IARS1: variants seen among roughly 807,000 people sequenced by gnomAD.
The protein encoded by IARS1 is isoleucine--tRNA ligase, cytoplasmic.
IARS1 carries 124 observed loss-of-function variants against 168.2 expected under a neutral mutation model. The ratio of observed to expected loss-of-function variants is 0.74; its 90% CI spans 0.64 to 0.86. The LOEUF is 0.86. Ranked by LOEUF, IARS1 falls within the 40% of genes least tolerant of loss-of-function variation. The pLI is 0.00. For missense variants in IARS1, 1,452 were observed against 1,515.8 expected (o/e 0.96, Z 0.70); for synonymous variants, 532 against 529.4 (o/e 1.00, Z -0.07).
chr9:92,253,806 G>A (rs1830349857), intron 20 of IARS1: 2 of 495,100 alleles, frequency 4.0e-6, no homozygotes, highest in African/African-American at 1.9e-5. Flanking sequence ...CAATTTGACA[G>A]CATCAACAAT....
chr9:92,246,044 G>A (rs896351510), intron 26 of IARS1, among the ~76,000 whole-genome samples: 1 of 152,066 alleles, frequency 6.6e-6, no homozygotes, highest in Non-Finnish European at 1.5e-5. Context: ...CCAAAGTGCT[G>A]GGATTACAGG....
At chr9:92,229,891 C>T (rs900146290) in intron 30 of IARS1, among the ~76,000 whole-genome samples, 1 of 152,148 alleles carries the variant, frequency 6.6e-6, no homozygotes, top group Non-Finnish European at 1.5e-5. Flanking sequence ...AAATCCTGTA[C>T]CCATCACCAT....
rs745473326 is a variant in IARS1 at position 92,280,885 on chromosome 9, T to C, written c.606A>G (p.Gln202=). The C allele has an allele frequency of 5.6e-6, 9 of 1,607,486 alleles. No individual in the cohort carries two copies. Among genetic ancestry groups the C allele is most frequent in the Non-Finnish European group, 7.7e-6 (9 of 1,175,540 alleles). Residue 202 remains glutamine (Q), a synonymous_variant, in exon 7 of 34, where the codon CAA becomes CAG. Transcript: ENST00000443024. ...FESHQNYKDV[Q]DPSVFVTFPL... ...GGAAAGTTACAAATACTGAAGGATC[T>C]TGAACATCCTGAAATAAATTGAGGT...
Position 92,223,336 on chromosome 9 carries a change from A to G in IARS1, c.3553+10T>C. The G allele has an allele frequency of 6.3e-7, 1 of 1,597,066 alleles. No individual in the cohort carries two copies. The highest frequency in any genetic ancestry group is 8.6e-7 in the Non-Finnish European group (1 of 1,169,056). ...ACCCCACAGTCTGCCTGCTGTGGGG[A>G]GGCACATACCTTGTGGCTTTGCATT... is the stretch of plus-strand genomic sequence containing the variant. On this transcript the variant is annotated intron_variant, in intron 32 of 33. Coordinates refer to ENST00000443024, the MANE Select transcript of IARS1 (RefSeq NM_002161.6).
chr9:92,261,588 T>C (rs1362364728), intron 17 of IARS1, among the ~76,000 whole-genome samples: 1 of 152,166 alleles, frequency 6.6e-6, no homozygotes, highest in Non-Finnish European at 1.5e-5. Flanking sequence ...TATGTAAAAC[T>C]AGAGAAATCT....
intron 25 of IARS1, among the ~76,000 whole-genome samples, chr9:92,248,822 C>A (rs1829611382): frequency 1.3e-5 from 2 of 151,844 alleles, no homozygotes; most frequent in African/African-American, 2.4e-5. Flanking sequence ...TTAAATATCA[C>A]CTGTGAAAAG....
chr9:92,221,390 G>C (rs11792542), intron 33 of IARS1, among the ~76,000 whole-genome samples: 17,074 of 152,204 alleles, frequency 0.11, 1,094 homozygotes, highest in South Asian at 0.21. Flanking sequence ...CAGGCTATCA[G>C]GTGTTACAAA....
At chr9:92,228,907 T>C in intron 31 of IARS1, 94 bp downstream of exon 31, 7 of 1,468,878 alleles carry the variant, frequency 4.8e-6, no homozygotes, top group Non-Finnish European at 6.5e-6. Flanking sequence ...TTAGGAAAAA[T>C]GCAAAAGTTG....
Position 92,244,965 on chromosome 9 carries a change from A to ATTTT in IARS1, c.2897_2898insAAAA (p.Asp966GlufsTer14). On this transcript the variant is annotated frameshift_variant, in exon 27 of 34. Coordinates refer to ENST00000443024, the MANE Select transcript of IARS1 (RefSeq NM_002161.6). LOFTEE classifies it high-confidence loss of function. ...CTAGGAAACAGAAAAATACCTGAGC[A>ATTTT]TCTGAGTGTGCTTCAAATTGCGCAG... 5 of 1,613,396 alleles carry ATTTT rather than the reference A, an allele frequency of 3.1e-6. No homozygotes were observed. The highest frequency in any genetic ancestry group is 4.2e-6 in the Non-Finnish European group (5 of 1,179,304).
chr9:92,282,201 A>C (rs1382007339), intron 6 of IARS1, among the ~76,000 whole-genome samples: 1 of 152,240 alleles, frequency 6.6e-6, no homozygotes, highest in African/African-American at 2.4e-5. Flanking sequence ...GAGAAGGATA[A>C]AGCAAATGTG....
chr9:92,246,916 G>A (rs185468749), intron 26 of IARS1, among the ~76,000 whole-genome samples: 6 of 152,264 alleles, frequency 3.9e-5, no homozygotes, highest in East Asian at 3.9e-4. Flanking sequence ...AGGATGGACC[G>A]GTGCAGTGGC....
At chr9:92,263,196 G>T in intron 16 of IARS1, 141 bp from the exon 17 acceptor site, 1 of 612,920 alleles carries the variant, frequency 1.6e-6, no homozygotes, top group Non-Finnish European at 2.9e-6. Flanking sequence ...TCTTAATCCT[G>T]GTTACTGGAG....
intron 4 of IARS1, 167 bp downstream of exon 4, chr9:92,287,624 T>C: frequency 3.3e-6 from 2 of 612,260 alleles, no homozygotes; most frequent in Non-Finnish European, 2.6e-6. Flanking sequence ...AGAAGAGAGA[T>C]GGTTCAGTTT....
intron 6 of IARS1, 128 bp downstream of exon 6, chr9:92,285,594 G>A (rs934223324): frequency 4.8e-6 from 3 of 621,484 alleles, no homozygotes; most frequent in Admixed American, 2.4e-5. Flanking sequence ...GTAAGAAGTG[G>A]TCAAAGTGGT....
At chr9:92,285,396 C>G (rs1324859226) in intron 6 of IARS1, among the ~76,000 whole-genome samples, 5 of 152,172 alleles carry the variant, frequency 3.3e-5, no homozygotes, top group Non-Finnish European at 7.4e-5. Flanking sequence ...ATTACTCAAC[C>G]CTTAAGAAAC....
intron 4 of IARS1, 79 bp from the exon 5 acceptor site, chr9:92,286,697 C>G (rs999223757): frequency 1.3e-6 from 1 of 798,446 alleles, no homozygotes; most frequent in Non-Finnish European, 2.0e-6. Context: ...TTTCTGTTGT[C>G]ATCACAAATG....
In IARS1 at chr9:92,210,629, T is replaced by G. The variant is rs2133285994; in HGVS notation, c.*178A>C. ...CTAAGGTTAAGTGTGAAGATTACTGTGAGGTCTCAAGTTACTTGACTAATC... is the reference window on the plus strand; with the variant it reads ...CTAAGGTTAAGTGTGAAGATTACTGGGAGGTCTCAAGTTACTTGACTAATC... On this transcript the variant is annotated 3_prime_UTR_variant, in exon 34 of 34. Coordinates refer to ENST00000443024, the MANE Select transcript of IARS1 (RefSeq NM_002161.6). The G allele has an allele frequency of 1.8e-6, 1 of 557,412 alleles. No individual in the cohort carries two copies. Among genetic ancestry groups the G allele is most frequent in the Non-Finnish European group, 3.3e-6 (1 of 304,644 alleles). The allele number at this position is 557,412 out of a possible 1,614,324, so 34.5% of individuals were successfully genotyped here. A position where few individuals can be genotyped will look rare whatever the true frequency, so the allele number is the denominator to read the frequency against.
chr9:92,282,329 A>C (rs2133953277), intron 6 of IARS1, among the ~76,000 whole-genome samples: 1 of 151,804 alleles, frequency 6.6e-6, no homozygotes, highest in South Asian at 2.1e-4. Flanking sequence ...TTGAGATGGA[A>C]TCTCACTCTG....
intron 6 of IARS1, among the ~76,000 whole-genome samples, chr9:92,285,233 T>C (rs1205974548): frequency 6.6e-6 from 1 of 152,166 alleles, no homozygotes; most frequent in Non-Finnish European, 1.5e-5. Context: ...TCTGTAAACA[T>C]CAAACATGTC....
Sources: allele counts gnomAD v4.1 joint callset (sites outside exome capture counted in the v4.1 genomes callset), GRCh38; gene constraint gnomAD v4.1.1; transcripts MANE v1.5; gene names NCBI Gene and HGNC (gene_info 2026-07-23, HGNC 2026-07-21).